The following ZNF704 variants were observed in gnomAD, a reference collection of about 807,000 sequenced individuals.
The protein encoded by ZNF704 is zinc finger protein 704.
Under a neutral mutation model 44.7 loss-of-function variants are expected in ZNF704, and 10 were observed. The observed-to-expected ratio is 0.22, with a 90% CI of 0.14 to 0.38. The LOEUF (loss-of-function observed/expected upper bound fraction) is 0.38, where lower values mean the gene tolerates loss of function less well. Among genes scored for constraint, ZNF704 ranks in the 10% least tolerant of loss-of-function variants. ZNF704 has a pLI of 1.00. For missense variants in ZNF704, 390 were observed against 545.5 expected (o/e 0.71, Z 2.84); for synonymous variants, 211 against 207.6 (o/e 1.02, Z -0.14).
At chr8:80,854,993 A>C (rs1349521696) in intron 1 of ZNF704, among the ~76,000 whole-genome samples, 1 of 152,228 alleles carries the variant, frequency 6.6e-6, no homozygotes, top group African/African-American at 2.4e-5. Flanking sequence ...CCATGCCCTA[A>C]AGCATTTACT....
In ZNF704 at chr8:80,664,033, A is replaced by AT. The variant is rs748265330; in HGVS notation, c.927+781dup. On this transcript the variant is annotated intron_variant, in intron 6 of 8. Transcript: ENST00000327835. ...GGTGTGAGCCACTGTGCCCGGCCTT[A>AT]TTTTTTTTTTAAACAGATACTTATG... is the stretch of plus-strand genomic sequence containing the variant. Among the ~76,000 whole-genome samples, 148 of 146,812 alleles carry AT rather than the reference A, an allele frequency of 1.0e-3. 2 individuals carry two copies. The East Asian group carries it at 0.018, about 18-fold the overall frequency.
At chr8:80,805,140 A>T (rs1286518373) in intron 2 of ZNF704, among the ~76,000 whole-genome samples, 6 of 152,180 alleles carry the variant, frequency 3.9e-5, no homozygotes, top group Non-Finnish European at 8.8e-5. Flanking sequence ...TTTCATCAAC[A>T]GGCCAATTAG....
intron 6 of ZNF704, 110 bp downstream of exon 6, chr8:80,664,705 G>T: frequency 7.5e-7 from 1 of 1,334,296 alleles, no homozygotes; most frequent in Non-Finnish European, 1.1e-6. Context: ...CTACCGGGCT[G>T]CCGTGTGTGA....
intron 2 of ZNF704, among the ~76,000 whole-genome samples, chr8:80,758,488 A>G (rs1039267964): frequency 6.6e-6 from 1 of 152,150 alleles, no homozygotes; most frequent in African/African-American, 2.4e-5. Context: ...AAAACCAACA[A>G]TGGTTTTGTA....
At chr8:80,653,630 C>G (rs1403676992) in intron 7 of ZNF704, among the ~76,000 whole-genome samples, 3 of 152,086 alleles carry the variant, frequency 2.0e-5, no homozygotes, top group Admixed American at 6.5e-5. Context: ...ATCCAACTTA[C>G]AAGGGATGCG....
intron 7 of ZNF704, among the ~76,000 whole-genome samples, chr8:80,646,958 C>T (rs538727537): frequency 2.0e-5 from 3 of 152,304 alleles, no homozygotes; most frequent in African/African-American, 4.8e-5. Flanking sequence ...CCATCAGCCA[C>T]GGATAATGTG....
intron 2 of ZNF704, among the ~76,000 whole-genome samples, chr8:80,792,221 C>T (rs571639663): frequency 6.6e-6 from 1 of 152,252 alleles, no homozygotes; most frequent in Non-Finnish European, 1.5e-5. Flanking sequence ...AAGAGAAAAA[C>T]TGATTAGGCT....
intron 1 of ZNF704, among the ~76,000 whole-genome samples, chr8:80,869,747 C>A (rs1186711332): frequency 6.6e-6 from 1 of 152,218 alleles, no homozygotes; most frequent in East Asian, 1.9e-4. Context: ...TTCTAACCAA[C>A]AGAATATGGC....
chr8:80,745,967 A>G (rs1473811451), intron 2 of ZNF704, among the ~76,000 whole-genome samples: 1 of 152,224 alleles, frequency 6.6e-6, no homozygotes, highest in African/African-American at 2.4e-5. Flanking sequence ...AGTAGATTTA[A>G]TTTCCTGGGA....
At chr8:80,787,902 T>C (rs953497466) in intron 2 of ZNF704, among the ~76,000 whole-genome samples, 2 of 152,336 alleles carry the variant, frequency 1.3e-5, no homozygotes, top group Admixed American at 6.5e-5. Context: ...TAATTTTCCA[T>C]CTAAAATTTG....
intron 2 of ZNF704, among the ~76,000 whole-genome samples, chr8:80,697,260 C>T (rs927648599): frequency 9.2e-5 from 14 of 151,944 alleles, no homozygotes; most frequent in East Asian, 1.9e-4. Flanking sequence ...ATAAGCAAAG[C>T]GCATCCATGG....
At chr8:80,664,182 C>T (rs1220974501) in intron 6 of ZNF704, among the ~76,000 whole-genome samples, 2 of 151,668 alleles carry the variant, frequency 1.3e-5, no homozygotes, top group Admixed American at 1.3e-4. Flanking sequence ...CTGCAACCTC[C>T]GTCTCTCGGG....
intron 2 of ZNF704, among the ~76,000 whole-genome samples, chr8:80,705,045 T>C (rs187068350): frequency 1.3e-5 from 2 of 152,092 alleles, no homozygotes; most frequent in East Asian, 1.9e-4. Flanking sequence ...AGTGTCACAT[T>C]TGAATTGGAG....
upstream of ZNF704, among the ~76,000 whole-genome samples, chr8:80,876,732 C>T (rs1363484691): frequency 2.6e-5 from 4 of 152,062 alleles, no homozygotes; most frequent in Non-Finnish European, 5.9e-5. Flanking sequence ...ACAAGAGTGC[C>T]TGGGACAAGC....
rs901240391 is a variant in ZNF704, at chr8:80,637,081, C to T, written c.*4285G>A. ...CCTCCCCCACCCCCAGGCATTGCAC[C>T]TGTGGTTCAAATGTTAGCCTTAGGC... On this transcript the variant is annotated 3_prime_UTR_variant, in exon 9 of 9. Coordinates refer to ENST00000327835, the MANE Select transcript of ZNF704 (RefSeq NM_001033723.3). 6.7e-6 allele frequency: 1 copy of T among 149,778 alleles called. No individual in the cohort carries two copies. Among genetic ancestry groups the T allele is most frequent in the African/African-American group, 2.5e-5 (1 of 40,398 alleles). 9.3% of individuals were successfully genotyped at this position (149,778 alleles called of 1,614,324 possible).
intron 2 of ZNF704, among the ~76,000 whole-genome samples, chr8:80,725,540 T>C (rs936292785): frequency 6.6e-6 from 1 of 151,898 alleles, no homozygotes; most frequent in Admixed American, 6.6e-5. Flanking sequence ...CTCAGATACA[T>C]AGGGGATGGG....
At position 80,664,824 on chromosome 8, in the gene ZNF704, A is replaced by G. The variant is rs372877400; in HGVS notation, c.918T>C (p.His306=). 17 of 1,614,148 alleles carry G rather than the reference A, an allele frequency of 1.1e-5. No individual in the cohort carries two copies. The highest frequency in any genetic ancestry group is 1.4e-5 in the Non-Finnish European group (17 of 1,180,010). ...GTCCCCTGCAAGTCACCTGGTAAGC[A>G]TGGTCAGTGTGCACGAGGTAGAGGG... The part of the protein sequence containing the change: ...PTTLYLVHTD[H]AYQATPPVTI... The change falls in exon 6 of 9, where the codon CAT becomes CAC. Residue 306 remains histidine (H), a synonymous_variant. Coordinates refer to ENST00000327835, the MANE Select transcript of ZNF704 (RefSeq NM_001033723.3).
intron 1 of ZNF704, among the ~76,000 whole-genome samples, chr8:80,831,049 C>A (rs571195787): frequency 6.6e-6 from 1 of 151,862 alleles, no homozygotes; most frequent in Non-Finnish European, 1.5e-5. Flanking sequence ...CCACTGCACC[C>A]GGCCTAGAGG....
At chr8:80,674,359 C>A (rs554902853) in intron 4 of ZNF704, among the ~76,000 whole-genome samples, 1 of 152,214 alleles carries the variant, frequency 6.6e-6, no homozygotes, top group South Asian at 2.1e-4. Flanking sequence ...TAAAAGAATA[C>A]CTGATGCTGG....
Sources: allele counts gnomAD v4.1 joint callset (sites outside exome capture counted in the v4.1 genomes callset), GRCh38; gene constraint gnomAD v4.1.1; transcripts MANE v1.5; gene names NCBI Gene and HGNC (gene_info 2026-07-23, HGNC 2026-07-21).